The following COL25A1 variants were observed in gnomAD, a reference collection of about 807,000 sequenced individuals.
COL25A1 encodes the protein collagen alpha-1(XXV) chain.
Under a neutral mutation model 128.4 loss-of-function variants are expected in COL25A1, and 103 were observed. That is an observed-to-expected ratio of 0.80 (90% CI 0.68 to 0.94). The LOEUF (loss-of-function observed/expected upper bound fraction) is 0.94. Ranked by LOEUF, COL25A1 falls within the 40% of genes least tolerant of loss-of-function variation. The pLI, the probability that COL25A1 is intolerant of heterozygous loss-of-function variation, is 0.00. For missense variants in COL25A1, 745 were observed against 840.0 expected (o/e 0.89, Z 1.40); for synonymous variants, 279 against 277.2 (o/e 1.01, Z -0.06).
chr4:109,084,489 G>A (rs1764186538), intron 3 of COL25A1, among the ~76,000 whole-genome samples: 1 of 152,162 alleles, frequency 6.6e-6, no homozygotes, highest in Non-Finnish European at 1.5e-5. Context: ...TCACAAAATA[G>A]GATCATTGCT....
At chr4:108,920,051 T>C (rs1324146913) in intron 12 of COL25A1, among the ~76,000 whole-genome samples, 1 of 152,170 alleles carries the variant, frequency 6.6e-6, no homozygotes, top group Non-Finnish European at 1.5e-5. Flanking sequence ...CATGAGCCAC[T>C]GTGCCTGGCC....
intron 3 of COL25A1, among the ~76,000 whole-genome samples, chr4:109,113,061 A>G (rs1464396694): frequency 6.6e-6 from 1 of 152,138 alleles, no homozygotes; most frequent in African/African-American, 2.4e-5. Flanking sequence ...AATTTCTTTG[A>G]TAAGTGGAGA....
chr4:108,972,546 T>C (rs1560954150), intron 8 of COL25A1, among the ~76,000 whole-genome samples: 1 of 152,208 alleles, frequency 6.6e-6, no homozygotes, highest in Non-Finnish European at 1.5e-5. Context: ...GGCAAGTCAG[T>C]GGGTTCTCAT....
At chr4:109,207,020 T>C (rs1285087868) in intron 3 of COL25A1, among the ~76,000 whole-genome samples, 1 of 152,226 alleles carries the variant, frequency 6.6e-6, no homozygotes, top group African/African-American at 2.4e-5. Flanking sequence ...TAAGAATTTA[T>C]GGTTGTAAAT....
intron 5 of COL25A1, among the ~76,000 whole-genome samples, chr4:109,026,043 G>A (rs1370756214): frequency 6.7e-6 from 1 of 149,928 alleles, no homozygotes; most frequent in Non-Finnish European, 1.5e-5. Flanking sequence ...GCCCTCTTAG[G>A]AACTGGATAA....
chr4:109,193,223 AC>A (rs1775765004), intron 3 of COL25A1, among the ~76,000 whole-genome samples: 2 of 152,294 alleles, frequency 1.3e-5, no homozygotes, highest in South Asian at 4.2e-4. Context: ...AATTCAAGCA[AC>A]CAGGAAATGT....
At chr4:109,192,348 C>T (rs867052693) in intron 3 of COL25A1, among the ~76,000 whole-genome samples, 3 of 152,216 alleles carry the variant, frequency 2.0e-5, no homozygotes, top group Middle Eastern at 3.4e-3. Context: ...CTGCAACAGT[C>T]TAGATAAAAG....
intron 3 of COL25A1, among the ~76,000 whole-genome samples, chr4:109,096,090 A>C (rs945208560): frequency 6.6e-6 from 1 of 152,218 alleles, no homozygotes; most frequent in African/African-American, 2.4e-5. Flanking sequence ...CATGAGAGCC[A>C]AATGAATGTT....
intron 16 of COL25A1, 63 bp downstream of exon 16, chr4:108,896,604 T>C: frequency 7.1e-7 from 1 of 1,408,232 alleles, no homozygotes; most frequent in East Asian, 2.3e-5. Context: ...TCCCCCATCT[T>C]CATAAACTTG....
chr4:108,950,791 A>C (rs1287318096), intron 8 of COL25A1, among the ~76,000 whole-genome samples: 7 of 152,226 alleles, frequency 4.6e-5, no homozygotes, highest in African/African-American at 1.7e-4. Context: ...AATACATGCT[A>C]TACGCCAAGT....
At chr4:109,151,242 A>C (rs372969106) in intron 3 of COL25A1, among the ~76,000 whole-genome samples, 13 of 152,264 alleles carry the variant, frequency 8.5e-5, no homozygotes, top group African/African-American at 3.1e-4. Flanking sequence ...GACTGTTTCT[A>C]TCCTGCTGCA....
intron 3 of COL25A1, among the ~76,000 whole-genome samples, chr4:109,103,972 T>C (rs1187142512): frequency 1.3e-5 from 2 of 152,178 alleles, no homozygotes; most frequent in African/African-American, 4.8e-5. Context: ...TCTATAGAAA[T>C]TATGGCTCAG....
At position 108,825,186 on chromosome 4, in the gene COL25A1, TATTA is replaced by T; in HGVS notation, c.1791+6_1791+9del. 6.2e-7 allele frequency: 1 copy of T among 1,603,046 alleles called. No individual in the cohort carries two copies. On this transcript the variant is annotated splice_donor_region_variant and intron_variant, in intron 34 of 37. Transcript: ENST00000399132. ...ATAATAGGATGATGTTTATTGTACTTATTACTTACATCAAGACCAGGCTCTCCAT... is the reference window on the plus strand; with the variant it reads ...ATAATAGGATGATGTTTATTGTACTTCTTACATCAAGACCAGGCTCTCCAT...
At chr4:108,878,538 C>T (rs1739729014) in intron 19 of COL25A1, among the ~76,000 whole-genome samples, 1 of 152,130 alleles carries the variant, frequency 6.6e-6, no homozygotes, top group African/African-American at 2.4e-5. Context: ...TAAGAACCAC[C>T]AGGCAGCCAG....
intron 15 of COL25A1, among the ~76,000 whole-genome samples, chr4:108,898,256 C>A (rs1742377697): frequency 6.6e-6 from 1 of 152,044 alleles, no homozygotes; most frequent in African/African-American, 2.4e-5. Context: ...TATTTTGCTC[C>A]CCCTCCATTA....
intron 8 of COL25A1, among the ~76,000 whole-genome samples, chr4:108,971,565 T>C (rs1751919238): frequency 6.6e-6 from 1 of 152,138 alleles, no homozygotes; most frequent in Non-Finnish European, 1.5e-5. Context: ...TGGGTGAAAG[T>C]GCAGTGTGTC....
At chr4:108,901,265 T>C (rs1040181582) in intron 13 of COL25A1, 93 bp from the exon 14 acceptor site, 1 of 869,292 alleles carries the variant, frequency 1.2e-6, no homozygotes, top group African/African-American at 1.7e-5. Flanking sequence ...AATAATTCTC[T>C]AGAAATAGAT....
At chr4:109,196,843 G>A (rs1776086246) in intron 3 of COL25A1, among the ~76,000 whole-genome samples, 1 of 152,152 alleles carries the variant, frequency 6.6e-6, no homozygotes, top group Non-Finnish European at 1.5e-5. Context: ...AAAGGTATCA[G>A]AATTACTTTA....
At chr4:109,123,121 G>C (rs1768261436) in intron 3 of COL25A1, among the ~76,000 whole-genome samples, 1 of 151,978 alleles carries the variant, frequency 6.6e-6, no homozygotes, top group Admixed American at 6.6e-5. Flanking sequence ...TCTTCCCAAA[G>C]ATATCTATTT....
Sources: gnomAD v4.1 joint callset for allele counts (sites outside exome capture counted in the v4.1 genomes callset) on GRCh38, gnomAD v4.1.1 for gene constraint, MANE v1.5 for transcripts, NCBI Gene and HGNC (gene_info 2026-07-23, HGNC 2026-07-21) for gene names.